Variants in ALDH1L2 observed in about 807,000 individuals in gnomAD.
ALDH1L2 encodes the protein mitochondrial 10-formyltetrahydrofolate dehydrogenase.
In ALDH1L2, 91 loss-of-function variants were observed where a neutral mutation model predicts 111.0. The observed-to-expected ratio is 0.82, with a 90% CI of 0.69 to 0.98. ALDH1L2 has a LOEUF of 0.98. Ranked by LOEUF, ALDH1L2 falls within the 50% of genes least tolerant of loss-of-function variation. ALDH1L2 has a pLI of 0.00. For missense variants in ALDH1L2, 995 were observed against 1,126.8 expected (o/e 0.88, Z 1.67); for synonymous variants, 374 against 392.6 (o/e 0.95, Z 0.56).
intron 2 of ALDH1L2, among the ~76,000 whole-genome samples, chr12:105,072,749 G>A (rs1011120106): frequency 1.1e-4 from 17 of 152,286 alleles, no homozygotes; most frequent in Middle Eastern, 6.8e-3. Flanking sequence ...CAAGGTGGGC[G>A]GATCACCTGA....
intron 19 of ALDH1L2, among the ~76,000 whole-genome samples, chr12:105,032,646 A>G (rs1466095474): frequency 6.6e-6 from 1 of 152,242 alleles, no homozygotes; most frequent in African/African-American, 2.4e-5. Flanking sequence ...TAAATACTGT[A>G]GACTTTTTTC....
chr12:105,040,722 T>G, intron 15 of ALDH1L2, 28 bp from the exon 16 acceptor site: 1 of 1,603,410 alleles, frequency 6.2e-7, no homozygotes, highest in Non-Finnish European at 8.5e-7. Context: ...GCAATTACCT[T>G]CTTCAGGCCC....
Position 105,064,114 on chromosome 12 carries a change from C to CTTTTTTTTTTT in ALDH1L2, c.787-1103_787-1093dup, listed in dbSNP as rs71069786. Among the ~76,000 whole-genome samples the CTTTTTTTTTTT allele has an allele frequency of 6.8e-4, 24 of 35,124 alleles. 3 individuals are homozygous for CTTTTTTTTTTT. The highest frequency in any genetic ancestry group is 2.2e-3 in the East Asian group (2 of 898). The allele number at this position is 35,124 out of a possible 152,430, so 23.0% of individuals were successfully genotyped here. ...TACAGGCACATGCCACCACACCGAGCTTTTTTTTTTTTTTTTTTTTTTTTT... is the reference window on the plus strand; with the variant it reads ...TACAGGCACATGCCACCACACCGAGCTTTTTTTTTTTTTTTTTTTTTTTTTTTTTTTTTTTT... On this transcript the variant is annotated intron_variant, in intron 6 of 22. Coordinates refer to ENST00000258494, the MANE Select transcript of ALDH1L2 (RefSeq NM_001034173.4).
In ALDH1L2 at chr12:105,024,480, C is replaced by G; in HGVS notation, c.2717-1G>C. ...AGATATTCATTTAGAGCTTCCTCAC[C>G]TAGGGAAGAGAAAAGCAGTTGACAG... On this transcript the variant is annotated splice_acceptor_variant, in intron 22 of 22. Transcript: ENST00000258494. LOFTEE classifies it high-confidence loss of function. 6.2e-7 allele frequency: 1 copy of G among 1,613,872 alleles called. No homozygotes were observed. The highest frequency in any genetic ancestry group is 2.2e-5 in the East Asian group (1 of 44,882).
rs537692117 is a variant in ALDH1L2 at position 105,021,250 on chromosome 12, C to G, written c.*3174G>C. ...GTCTGACTTAAGCTTTGAACAGGAC[C>G]GCAGAAGAGAGGAATCCAGAAGACC... On this transcript the variant is annotated 3_prime_UTR_variant, in exon 23 of 23. Coordinates refer to ENST00000258494, the MANE Select transcript of ALDH1L2 (RefSeq NM_001034173.4). 1 of 152,264 alleles carries G rather than the reference C, an allele frequency of 6.6e-6. No individual in the cohort carries two copies. The highest frequency in any genetic ancestry group is 6.6e-5 in the Admixed American group (1 of 15,262). The allele number at this position is 152,264 out of a possible 1,614,324, so 9.4% of individuals were successfully genotyped here.
At chr12:105,046,207 A>ATTTTTTTT (rs1875871415) in intron 15 of ALDH1L2, among the ~76,000 whole-genome samples, 1 of 46,634 alleles carries the variant, frequency 2.1e-5, no homozygotes, top group Admixed American at 3.0e-4. Flanking sequence ...ATATATATAT[A>ATTTTTTTT]TATATATATA....
Position 105,024,299 on chromosome 12 carries a change from A to G in ALDH1L2, c.*125T>C. 7 of 1,009,164 alleles carry G rather than the reference A, an allele frequency of 6.9e-6. No homozygotes were observed. Among genetic ancestry groups the G allele is most frequent in the Non-Finnish European group, 9.2e-6 (6 of 652,916 alleles). The allele number at this position is 1,009,164 out of a possible 1,614,324, so 62.5% of individuals were successfully genotyped here. ...GCTTTAACATGGCCTGGCCCTCTTC[A>G]TGGTCCATCTGTGTATTTTTTGGTT... On this transcript the variant is annotated 3_prime_UTR_variant, in exon 23 of 23. Transcript: ENST00000258494.
At position 105,058,383 on chromosome 12, in the gene ALDH1L2, T is replaced by C. The variant is rs575914177; in HGVS notation, c.1140-163A>G. Among the ~76,000 whole-genome samples, 6 of 152,344 alleles carry C rather than the reference T, an allele frequency of 3.9e-5. No homozygotes were observed. The East Asian group carries it at 9.6e-4, about 24-fold the overall frequency. ...TACTCATCAGAGAAATTGATAAGAC[T>C]AGGGGCAAGAAATTAAAAATATATC... On this transcript the variant is annotated intron_variant, in intron 9 of 22. Coordinates refer to ENST00000258494, the MANE Select transcript of ALDH1L2 (RefSeq NM_001034173.4).
At chr12:105,033,016 G>A (rs1340601657) in intron 19 of ALDH1L2, among the ~76,000 whole-genome samples, 1 of 152,160 alleles carries the variant, frequency 6.6e-6, no homozygotes, top group Non-Finnish European at 1.5e-5. Flanking sequence ...ACCTACTTCT[G>A]CATCTTCTAA....
At chr12:105,063,479 G>GAAA (rs138765070) in intron 6 of ALDH1L2, among the ~76,000 whole-genome samples, 22 of 143,642 alleles carry the variant, frequency 1.5e-4, no homozygotes, top group African/African-American at 5.7e-4. Flanking sequence ...CTGTCTCAAA[G>GAAA]AAAAAAAAAA....
intron 2 of ALDH1L2, among the ~76,000 whole-genome samples, chr12:105,072,751 A>G (rs1043649240): frequency 1.1e-4 from 17 of 152,216 alleles, no homozygotes; most frequent in African/African-American, 4.1e-4. Context: ...AGGTGGGCGG[A>G]TCACCTGAGA....
intron 12 of ALDH1L2, among the ~76,000 whole-genome samples, chr12:105,050,922 G>A (rs1383666834): frequency 6.6e-6 from 1 of 152,134 alleles, no homozygotes; most frequent in Non-Finnish European, 1.5e-5. Context: ...AATTCAAGAT[G>A]AGATTTGGGT....
chr12:105,059,267 AAATAAT>A (rs56329502), intron 9 of ALDH1L2, among the ~76,000 whole-genome samples: 15,048 of 138,028 alleles, frequency 0.11, 898 homozygotes, highest in Non-Finnish European at 0.12. Context: ...CTCTGTCTCA[AAATAAT>A]AATAATAATA....
intron 8 of ALDH1L2, among the ~76,000 whole-genome samples, chr12:105,061,369 CAG>C (rs1213192107): frequency 1.3e-5 from 2 of 152,150 alleles, no homozygotes. Context: ...TTGAAAATAA[CAG>C]AAACTGGGTT....
chr12:105,033,508 G>T (rs1874817493), intron 19 of ALDH1L2, among the ~76,000 whole-genome samples: 1 of 152,170 alleles, frequency 6.6e-6, no homozygotes, highest in Non-Finnish European at 1.5e-5. Context: ...CATGAAGAAA[G>T]AATACCTTTG....
chr12:105,074,491 A>G (rs1021253258), intron 1 of ALDH1L2, among the ~76,000 whole-genome samples: 18 of 150,398 alleles, frequency 1.2e-4, no homozygotes, highest in South Asian at 6.3e-4. Context: ...AAAGAAAAGA[A>G]AAAGAAAGAA....
chr12:105,027,650 C>A (rs1874482373), intron 21 of ALDH1L2, among the ~76,000 whole-genome samples: 1 of 152,182 alleles, frequency 6.6e-6, no homozygotes, highest in African/African-American at 2.4e-5. Flanking sequence ...ATGAACAAAT[C>A]ATGCCTGGAA....
intron 2 of ALDH1L2, 52 bp downstream of exon 2, chr12:105,073,809 C>T: frequency 6.2e-7 from 1 of 1,608,060 alleles, no homozygotes. Context: ...GGAAGTCCAG[C>T]ATTGGTAAGG....
chr12:105,050,019 T>C lies in ALDH1L2; in HGVS notation c.1575A>G (p.Ala525=), dbSNP rs1876153335. The C allele has an allele frequency of 6.2e-7, 1 of 1,608,128 alleles. No homozygotes were observed. The highest frequency in any genetic ancestry group is 8.5e-7 in the Non-Finnish European group (1 of 1,177,042). Reference sequence around the variant, plus strand: ...CCCCTGAATCAAGGGCTTCAATAGTTGCCAGCTCTTCTTGGTTCTCTTCCA... The same window carrying C: ...CCCCTGAATCAAGGGCTTCAATAGTCGCCAGCTCTTCTTGGTTCTCTTCCA... ...DLLEENQEEL[A]TIEALDSGAV... is the part of the protein sequence containing the mutation. Residue 525 remains alanine (A), a synonymous_variant, in exon 13 of 23, where the codon GCA becomes GCG. Transcript: ENST00000258494.
Sources: allele counts gnomAD v4.1 joint callset (sites outside exome capture counted in the v4.1 genomes callset), GRCh38; gene constraint gnomAD v4.1.1; transcripts MANE v1.5; gene names NCBI Gene and HGNC (gene_info 2026-07-23, HGNC 2026-07-21).